The following FARS2 variants were observed in gnomAD, a reference collection of about 807,000 sequenced individuals.
FARS2 encodes the protein phenylalanyl-tRNA synthetase 2, mitochondrial.
In FARS2, 40 loss-of-function variants were observed where a neutral mutation model predicts 46.4. That is an observed-to-expected ratio of 0.86 (90% CI 0.67 to 1.12). The LOEUF (loss-of-function observed/expected upper bound fraction) is 1.12, where lower values mean the gene tolerates loss of function less well. Among genes scored for constraint, FARS2 ranks in the 50% most tolerant of loss-of-function variants. FARS2 has a pLI of 0.00. For missense variants in FARS2, 513 were observed against 567.9 expected (o/e 0.90, Z 0.98); for synonymous variants, 234 against 214.9 (o/e 1.09, Z -0.78).
rs148293553 is a variant in FARS2, at chr6:5,400,153, T to G, written c.613-4389T>G. Among the ~76,000 whole-genome samples, 847 of 152,320 alleles carry G rather than the reference T, an allele frequency of 5.6e-3. 5 individuals carry two copies. Among genetic ancestry groups the G allele is most frequent in the Middle Eastern group, 0.01 (3 of 294 alleles). On this transcript the variant is annotated intron_variant, in intron 2 of 6. Transcript: ENST00000274680. ...AAGAATATGTTGTCTGACTTTTAAC[T>G]TTTTGCCATTGTGATAGAAGTATTA...
At chr6:5,754,178 C>A (rs1183103866) in intron 6 of FARS2, among the ~76,000 whole-genome samples, 2 of 152,130 alleles carry the variant, frequency 1.3e-5, no homozygotes, top group Non-Finnish European at 2.9e-5. Flanking sequence ...GGTGATGAAA[C>A]TGAGGATTAG....
chr6:5,465,264 T>A (rs1244892066), intron 4 of FARS2, among the ~76,000 whole-genome samples: 1 of 152,212 alleles, frequency 6.6e-6, no homozygotes, highest in Non-Finnish European at 1.5e-5. Flanking sequence ...GTGCTCTTCA[T>A]CTTCAGCAAC....
chr6:5,380,127 G>A (rs1759660664), intron 2 of FARS2, among the ~76,000 whole-genome samples: 1 of 152,174 alleles, frequency 6.6e-6, no homozygotes, highest in Non-Finnish European at 1.5e-5. Flanking sequence ...TAATGGGAAA[G>A]CTCTCTAGTT....
intron 6 of FARS2, among the ~76,000 whole-genome samples, chr6:5,653,735 A>G (rs1035872328): frequency 6.6e-6 from 1 of 152,206 alleles, no homozygotes; most frequent in East Asian, 1.9e-4. Flanking sequence ...TACCCATTCA[A>G]CAATTGTGAG....
chr6:5,677,239 T>C (rs560945419), intron 6 of FARS2, among the ~76,000 whole-genome samples: 1 of 152,214 alleles, frequency 6.6e-6, no homozygotes, highest in Non-Finnish European at 1.5e-5. Flanking sequence ...ATACTGAGAA[T>C]CAAAGCAACC....
At chr6:5,268,625 A>G (rs1009089533) in intron 1 of FARS2, among the ~76,000 whole-genome samples, 1 of 152,056 alleles carries the variant, frequency 6.6e-6, no homozygotes, top group Non-Finnish European at 1.5e-5. Flanking sequence ...TATAGTTTGA[A>G]GTCAGGTAGC....
chr6:5,686,153 C>A (rs1178057406), intron 6 of FARS2, among the ~76,000 whole-genome samples: 1 of 152,124 alleles, frequency 6.6e-6, no homozygotes, highest in Non-Finnish European at 1.5e-5. Context: ...CTGCAGAAGT[C>A]ATGCAGGTTT....
intron 2 of FARS2, among the ~76,000 whole-genome samples, chr6:5,396,335 A>G (rs1289491392): frequency 1.3e-5 from 2 of 152,170 alleles, no homozygotes; most frequent in African/African-American, 4.8e-5. Flanking sequence ...ATATATTGTC[A>G]TTGGTCCTCA....
chr6:5,451,967 A>T (rs1026984980), intron 4 of FARS2: 1 of 152,244 alleles, frequency 6.6e-6, no homozygotes, highest in Non-Finnish European at 1.5e-5. Flanking sequence ...CATGTCTTTT[A>T]TAGTTACACG....
At chr6:5,310,635 G>C (rs1264768848) in intron 1 of FARS2, among the ~76,000 whole-genome samples, 1 of 152,168 alleles carries the variant, frequency 6.6e-6, no homozygotes, top group Non-Finnish European at 1.5e-5. Context: ...AAAATGTGCA[G>C]CTTCACTGAT....
At chr6:5,510,565 C>T (rs113058235) in intron 4 of FARS2, among the ~76,000 whole-genome samples, 11 of 152,220 alleles carry the variant, frequency 7.2e-5, no homozygotes, top group African/African-American at 2.2e-4. Flanking sequence ...GCCTTTTGAG[C>T]GCGGGAGAGG....
At chr6:5,662,775 C>T (rs1278077839) in intron 6 of FARS2, among the ~76,000 whole-genome samples, 1 of 152,148 alleles carries the variant, frequency 6.6e-6, no homozygotes, top group Admixed American at 6.5e-5. Context: ...ATCAGATCCC[C>T]GGGTTTGAAC....
At chr6:5,654,870 A>G (rs1424072647) in intron 6 of FARS2, among the ~76,000 whole-genome samples, 1 of 152,168 alleles carries the variant, frequency 6.6e-6, no homozygotes, top group African/African-American at 2.4e-5. Context: ...AGCCTACTCA[A>G]TGTGAAGATG....
chr6:5,515,296 T>A (rs142518483), intron 4 of FARS2, among the ~76,000 whole-genome samples: 52 of 152,350 alleles, frequency 3.4e-4, no homozygotes, highest in African/African-American at 7.0e-4. Context: ...TCTCATGGTG[T>A]ATGATTACCA....
intron 1 of FARS2, among the ~76,000 whole-genome samples, chr6:5,274,679 C>T (rs77395144): frequency 2.2e-3 from 340 of 152,012 alleles, no homozygotes; most frequent in African/African-American, 7.7e-3. Context: ...TTTTCAGCCA[C>T]GATTATTTAG....
chr6:5,739,842 T>A (rs1236575520), intron 6 of FARS2, among the ~76,000 whole-genome samples: 1 of 152,200 alleles, frequency 6.6e-6, no homozygotes, highest in Non-Finnish European at 1.5e-5. Flanking sequence ...GACCTGGGTC[T>A]ACATCCAGAC....
rs1269010952 is a variant in FARS2, at chr6:5,404,602, G to A, written c.673G>A (p.Ala225Thr). Residue 225 changes from alanine to threonine, a missense_variant, in exon 3 of 7, where the codon GCG (alanine) becomes ACG (threonine). By Grantham distance (58) the Ala-to-Thr change is moderately conservative. Coordinates refer to ENST00000274680, the MANE Select transcript of FARS2 (RefSeq NM_006567.5). ...GCTCTTTGAACAAAGTTCTCGCTCT[G>A]CGCATAAACAAGAGACACACACCAT... ...LQLFEQSSRS[A>T]HKQETHTMEA... 1.2e-6 allele frequency: 2 copies of A among 1,612,712 alleles called. No individual in the cohort carries two copies. The highest frequency in any genetic ancestry group is 1.7e-4 in the Middle Eastern group (1 of 6,034).
chr6:5,709,671 GGTGTGT>G (rs771506886), intron 6 of FARS2, among the ~76,000 whole-genome samples: 5,785 of 96,808 alleles, frequency 0.06, 479 homozygotes, highest in African/African-American at 0.19. Context: ...GTTCCAAGAG[GGTGTGT>G]GTGTGTGTGT....
At chr6:5,550,028 C>T (rs1771276975) in intron 5 of FARS2, among the ~76,000 whole-genome samples, 1 of 152,114 alleles carries the variant, frequency 6.6e-6, no homozygotes, top group Non-Finnish European at 1.5e-5. Context: ...AAAATTCCTC[C>T]CCACTTTTGC....
Sources: gnomAD v4.1 joint callset for allele counts (sites outside exome capture counted in the v4.1 genomes callset) on GRCh38, gnomAD v4.1.1 for gene constraint, MANE v1.5 for transcripts, NCBI Gene and HGNC (gene_info 2026-07-23, HGNC 2026-07-21) for gene names.